Variants in EDNRB observed in about 807,000 individuals in gnomAD.
EDNRB encodes endothelin receptor type B, also known as Hirschsprung disease 2.
A neutral mutation model predicts 46.4 loss-of-function variants in EDNRB; 18 were observed. The ratio of observed to expected loss-of-function variants is 0.39; its 90% CI spans 0.27 to 0.57. The LOEUF (loss-of-function observed/expected upper bound fraction) is 0.57, where lower values mean the gene tolerates loss of function less well. EDNRB is among the 20% of genes least tolerant of loss of function. EDNRB has a pLI of 0.61. For missense variants in EDNRB, 434 were observed against 537.5 expected, an observed-to-expected ratio of 0.81 and a Z score of 1.90; for synonymous variants, 213 against 204.9, an observed-to-expected ratio of 1.04 and a Z score of -0.34.
At chr13:77,902,196 G>A (rs1879027781) in intron 3 of EDNRB, among the ~76,000 whole-genome samples, 1 of 151,932 alleles carries the variant, frequency 6.6e-6, no homozygotes, top group Admixed American at 6.6e-5. Context: ...CCATATCAGG[G>A]TGACTTCTAT....
At chr13:77,957,725 C>G (rs915886458) in intron 1 of EDNRB, among the ~76,000 whole-genome samples, 9 of 152,206 alleles carry the variant, frequency 5.9e-5, no homozygotes, top group African/African-American at 2.2e-4. Context: ...CGTACACTTT[C>G]ATGTGGTTTT....
At position 77,897,953 on chromosome 13, in the gene EDNRB, C is replaced by T; in HGVS notation, c.*247G>A. On this transcript the variant is annotated 3_prime_UTR_variant, in exon 7 of 7. Transcript: ENST00000646607. The stretch of plus-strand genomic sequence containing the variant: ...AGTTGTTAAGAGCTATGTTGAAGTG[C>T]TAACTGTAAAAAATTAAGTGCTTTC... 7.9e-7 allele frequency: 1 copy of T among 1,272,430 alleles called. No homozygotes were observed. The highest frequency in any genetic ancestry group is 1.0e-6 in the Non-Finnish European group (1 of 1,000,598). 78.8% of individuals were successfully genotyped at this position (1,272,430 alleles called of 1,614,324 possible).
intron 1 of EDNRB, among the ~76,000 whole-genome samples, chr13:77,942,868 C>T (rs1880794099): frequency 6.6e-6 from 1 of 152,082 alleles, no homozygotes; most frequent in African/African-American, 2.4e-5. Flanking sequence ...TTAACAGATT[C>T]AATTATTCTT....
At chr13:77,902,685 G>A (rs370379088) in intron 3 of EDNRB, among the ~76,000 whole-genome samples, 1 of 151,926 alleles carries the variant, frequency 6.6e-6, no homozygotes, top group East Asian at 1.9e-4. Flanking sequence ...CTACCCAATA[G>A]GGGAAAGATG....
At chr13:77,946,601 CTA>C (rs746960073) in intron 1 of EDNRB, among the ~76,000 whole-genome samples, 3 of 152,266 alleles carry the variant, frequency 2.0e-5, no homozygotes, top group Non-Finnish European at 2.9e-5. Context: ...GATTTCAACT[CTA>C]TGTTGGTGGC....
chr13:77,973,517 C>A (rs1445526779), intron 1 of EDNRB, among the ~76,000 whole-genome samples: 1 of 151,948 alleles, frequency 6.6e-6, no homozygotes, highest in African/African-American at 2.4e-5. Flanking sequence ...TTAACTTTAG[C>A]CGATGTTTAC....
chr13:77,952,472 A>G (rs1881119622), intron 1 of EDNRB, among the ~76,000 whole-genome samples: 1 of 152,168 alleles, frequency 6.6e-6, no homozygotes, highest in South Asian at 2.1e-4. Flanking sequence ...GAGGCCAGGA[A>G]TGCCTAACTT....
At chr13:77,971,960 A>G (rs1427578959) in intron 1 of EDNRB, among the ~76,000 whole-genome samples, 1 of 152,190 alleles carries the variant, frequency 6.6e-6, no homozygotes, top group Non-Finnish European at 1.5e-5. Context: ...CTTGGGGATG[A>G]ACAAGGGCTG....
At chr13:77,901,027 C>G in intron 4 of EDNRB, 31 bp downstream of exon 4, 2 of 1,605,990 alleles carry the variant, frequency 1.2e-6, no homozygotes, top group Middle Eastern at 2.1e-4. Flanking sequence ...TAAATTCAAC[C>G]ACGAGTTATC....
In EDNRB at chr13:77,897,522, A is replaced by T; in HGVS notation, c.*678T>A. 1 of 982,558 alleles carries T rather than the reference A, an allele frequency of 1.0e-6. No individual in the cohort carries two copies. The highest frequency in any genetic ancestry group is 1.2e-6 in the Non-Finnish European group (1 of 827,456). 60.9% of individuals were successfully genotyped at this position (982,558 alleles called of 1,614,324 possible). A position where few individuals can be genotyped will look rare whatever the true frequency, so the allele number is the denominator to read the frequency against. On this transcript the variant is annotated 3_prime_UTR_variant, in exon 7 of 7. Coordinates refer to ENST00000646607, the MANE Select transcript of EDNRB (RefSeq NM_001122659.3). Reference sequence around the variant, plus strand: ...GCTGGCACATGTGCCAGTCTGTTACATGCTGCTTGTTTGTGACATGTTGGT... The same window carrying T: ...GCTGGCACATGTGCCAGTCTGTTACTTGCTGCTTGTTTGTGACATGTTGGT...
At chr13:77,933,680 A>C (rs887781833) in intron 1 of EDNRB, among the ~76,000 whole-genome samples, 1 of 152,130 alleles carries the variant, frequency 6.6e-6, no homozygotes. Flanking sequence ...AATAGTGGTA[A>C]AGTGTGAGGA....
intron 1 of EDNRB, among the ~76,000 whole-genome samples, chr13:77,936,301 A>G (rs1309774366): frequency 1.3e-5 from 2 of 152,136 alleles, no homozygotes; most frequent in Non-Finnish European, 2.9e-5. Flanking sequence ...GTCTCGGCCT[A>G]ATAAGGGAAC....
At chr13:77,913,071 C>T (rs1466146200) in intron 1 of EDNRB, among the ~76,000 whole-genome samples, 1 of 152,074 alleles carries the variant, frequency 6.6e-6, no homozygotes, top group African/African-American at 2.4e-5. Context: ...GTTAATTATA[C>T]ATAAACTTGT....
intron 1 of EDNRB, among the ~76,000 whole-genome samples, chr13:77,912,271 T>C (rs1161256353): frequency 6.6e-6 from 1 of 151,990 alleles, no homozygotes; most frequent in Admixed American, 6.6e-5. Flanking sequence ...ATTTACGGAG[T>C]GACCAAGTGG....
intron 1 of EDNRB, among the ~76,000 whole-genome samples, chr13:77,965,689 G>T (rs1881560726): frequency 6.6e-6 from 1 of 151,996 alleles, no homozygotes; most frequent in South Asian, 2.1e-4. Flanking sequence ...AATAAGGAGT[G>T]GTCAGATTAT....
intron 1 of EDNRB, chr13:77,944,850 C>T (rs1207740692): frequency 6.6e-6 from 1 of 152,080 alleles, no homozygotes; most frequent in African/African-American, 2.4e-5. Context: ...AGGAGCCAAT[C>T]CCAGAAGCTA....
intron 1 of EDNRB, among the ~76,000 whole-genome samples, chr13:77,970,771 G>GTT (rs79948927): frequency 1.3e-5 from 2 of 151,576 alleles, no homozygotes; most frequent in Admixed American, 6.6e-5. Context: ...ATACAAACAA[G>GTT]TTTTTTTTAG....
In EDNRB at chr13:77,896,396, A is replaced by G. The variant is rs779137623; in HGVS notation, c.*1804T>C. On this transcript the variant is annotated 3_prime_UTR_variant, in exon 7 of 7. Transcript: ENST00000646607. ...AAAGTGATTGGGATGAAATTAAAGA[A>G]CAAGTTTGTGGGTGATTTATAAATA... The G allele has an allele frequency of 1.3e-6, 2 of 1,518,756 alleles. No individual in the cohort carries two copies. Among genetic ancestry groups the G allele is most frequent in the South Asian group, 1.3e-5 (1 of 76,164 alleles). 94.1% of individuals were successfully genotyped at this position (1,518,756 alleles called of 1,614,324 possible).
upstream of EDNRB, among the ~76,000 whole-genome samples, chr13:77,922,747 T>C (rs74098859): frequency 6.2e-3 from 946 of 152,332 alleles, 13 homozygotes; most frequent in African/African-American, 0.022. Context: ...TTAAGTATAA[T>C]GTATGTACAG....
Sources: allele counts gnomAD v4.1 joint callset (sites outside exome capture counted in the v4.1 genomes callset), GRCh38; gene constraint gnomAD v4.1.1; transcripts MANE v1.5; gene names NCBI Gene and HGNC (gene_info 2026-07-23, HGNC 2026-07-21).